TMEM132B: variants seen among roughly 807,000 people sequenced by gnomAD.
TMEM132B encodes the protein transmembrane protein 132B.
A neutral mutation model predicts 90.8 loss-of-function variants in TMEM132B; 18 were observed. That is an observed-to-expected ratio of 0.20 (90% CI 0.14 to 0.29). The LOEUF (loss-of-function observed/expected upper bound fraction) is 0.29, where lower values mean the gene tolerates loss of function less well. Ranked by LOEUF, TMEM132B falls within the 10% of genes least tolerant of loss-of-function variation. The pLI is 1.00. For missense variants in TMEM132B, 1,096 were observed against 1,326.8 expected (o/e 0.83, Z 2.70); for synonymous variants, 504 against 523.3 (o/e 0.96, Z 0.50).
chr12:125,469,495 T>C (rs1173530199), intron 3 of TMEM132B, among the ~76,000 whole-genome samples: 1 of 152,096 alleles, frequency 6.6e-6, no homozygotes, highest in Non-Finnish European at 1.5e-5. Flanking sequence ...ACATGAACAT[T>C]TGTGTTGTGC....
At chr12:125,553,854 T>C (rs1884301980) in intron 4 of TMEM132B, among the ~76,000 whole-genome samples, 1 of 152,176 alleles carries the variant, frequency 6.6e-6, no homozygotes, top group Non-Finnish European at 1.5e-5. Context: ...TGCTTTGTTT[T>C]AAGTACAGGT....
chr12:125,467,762 A>C lies in TMEM132B; in HGVS notation c.1107-51677A>C, dbSNP rs183648210. 8.7e-4 allele frequency among the ~76,000 whole-genome samples: 132 copies of C among 152,280 alleles called. 1 individual carries two copies. Among genetic ancestry groups the C allele is most frequent in the African/African-American group, 3.1e-3 (127 of 41,542 alleles). On this transcript the variant is annotated intron_variant, in intron 3 of 8. Transcript: ENST00000682704. ...TATATCCAGTAAGTAATCATTCCCC[A>C]TTCTCCTTTCTCATATTCTCATAAC... is the stretch of plus-strand genomic sequence containing the variant.
chr12:125,204,303 G>T (rs1188777915), intron 1 of TMEM132B, among the ~76,000 whole-genome samples: 1 of 134,982 alleles, frequency 7.4e-6, no homozygotes, highest in Non-Finnish European at 1.7e-5. Context: ...TTCAATGAGG[G>T]CTCCGTGTGC....
At chr12:125,274,263 T>C (rs556361572) in intron 1 of TMEM132B, among the ~76,000 whole-genome samples, 1 of 152,220 alleles carries the variant, frequency 6.6e-6, no homozygotes. Context: ...ATTCTAGGAA[T>C]GTTCCAGGAT....
rs577583453 is a variant in TMEM132B, at chr12:125,477,264, C to CT, written c.1107-42174dup. Among the ~76,000 whole-genome samples, 1,380 of 151,982 alleles carry CT rather than the reference C, an allele frequency of 9.1e-3. 11 individuals are homozygous for CT. Among genetic ancestry groups the CT allele is most frequent in the Middle Eastern group, 0.027 (8 of 294 alleles). On this transcript the variant is annotated intron_variant, in intron 3 of 8. Transcript: ENST00000682704. ...ATATTTTACTTTCACTTAAAGGTGT[C>CT]TGAATGGATTATGAAAAGATTCAAA...
intron 5 of TMEM132B, among the ~76,000 whole-genome samples, chr12:125,618,706 A>T (rs1886048543): frequency 6.6e-6 from 1 of 152,022 alleles, no homozygotes; most frequent in African/African-American, 2.4e-5. Context: ...TTCTCCAATT[A>T]TGATTGTTTT....
intron 5 of TMEM132B, among the ~76,000 whole-genome samples, chr12:125,619,644 C>A (rs1886073851): frequency 6.6e-6 from 1 of 152,020 alleles, no homozygotes; most frequent in Non-Finnish European, 1.5e-5. Flanking sequence ...GGATTACAGG[C>A]GTGAGCCACC....
intron 4 of TMEM132B, among the ~76,000 whole-genome samples, chr12:125,533,943 C>T (rs2136704164): frequency 6.6e-6 from 1 of 152,296 alleles, no homozygotes; most frequent in Admixed American, 6.5e-5. Flanking sequence ...AGAATCTCAG[C>T]ACCCCCGATA....
intron 1 of TMEM132B, among the ~76,000 whole-genome samples, chr12:125,247,172 C>A (rs1172712270): frequency 6.6e-6 from 1 of 152,112 alleles, no homozygotes; most frequent in African/African-American, 2.4e-5. Context: ...TCTTTGTGTC[C>A]ATAATCACCC....
chr12:125,502,694 G>A (rs1882732128), intron 3 of TMEM132B, among the ~76,000 whole-genome samples: 1 of 152,200 alleles, frequency 6.6e-6, no homozygotes, highest in African/African-American at 2.4e-5. Flanking sequence ...CGTGTTAACT[G>A]TTTCTTTCTA....
At chr12:125,493,777 T>C (rs1882418372) in intron 3 of TMEM132B, among the ~76,000 whole-genome samples, 1 of 151,222 alleles carries the variant, frequency 6.6e-6, no homozygotes, top group African/African-American at 2.4e-5. Flanking sequence ...GTACCCTACC[T>C]CCCCCTCCTC....
At position 125,278,912 on chromosome 12, in the gene TMEM132B, C is replaced by T. The variant is rs373750347; in HGVS notation, c.68-70540C>T. Among the ~76,000 whole-genome samples the T allele has an allele frequency of 1.6e-4, 24 of 152,290 alleles. No homozygotes were observed. In the South Asian group the frequency reaches 5.0e-3, roughly 32 times the overall value. Reference sequence around the variant, plus strand: ...CTGAAGACCCTCTAAGAGGCAATAACTCTGCCCAGGTTGGATGTAACCCAG... The same window carrying T: ...CTGAAGACCCTCTAAGAGGCAATAATTCTGCCCAGGTTGGATGTAACCCAG... On this transcript the variant is annotated intron_variant, in intron 1 of 8. Transcript: ENST00000682704.
intron 4 of TMEM132B, among the ~76,000 whole-genome samples, chr12:125,547,586 G>C (rs988036592): frequency 1.6e-4 from 25 of 152,218 alleles, no homozygotes; most frequent in African/African-American, 4.8e-4. Context: ...TTGTTGTTCT[G>C]GTAGGTAGTT....
At chr12:125,257,268 T>C (rs1430442658) in intron 1 of TMEM132B, among the ~76,000 whole-genome samples, 2 of 152,002 alleles carry the variant, frequency 1.3e-5, no homozygotes, top group East Asian at 3.9e-4. Flanking sequence ...ATCATGCCAC[T>C]GCACTTCAGG....
intron 1 of TMEM132B, among the ~76,000 whole-genome samples, chr12:125,323,293 G>A (rs150598802): frequency 9.9e-5 from 15 of 152,146 alleles, no homozygotes; most frequent in Admixed American, 2.0e-4. Flanking sequence ...AATATTAGCC[G>A]GGCGTGGTGG....
chr12:125,381,205 G>T (rs1199827005), intron 2 of TMEM132B, among the ~76,000 whole-genome samples: 2 of 152,256 alleles, frequency 1.3e-5, no homozygotes, highest in South Asian at 4.1e-4. Context: ...CAACCTGCTG[G>T]TGGTCCAAGG....
intron 1 of TMEM132B, among the ~76,000 whole-genome samples, chr12:125,252,569 G>A (rs145920945): frequency 4.7e-4 from 71 of 152,306 alleles, no homozygotes; most frequent in African/African-American, 1.5e-3. Flanking sequence ...CCAACTCCAC[G>A]GGTGGGAAAT....
rs180763719 is a variant in TMEM132B, at chr12:125,613,894, A to G, written c.1437+29900A>G. 2.0e-5 allele frequency among the ~76,000 whole-genome samples: 3 copies of G among 152,166 alleles called. No individual in the cohort carries two copies. The East Asian group carries it at 5.8e-4, about 29-fold the overall frequency. On this transcript the variant is annotated intron_variant, in intron 5 of 8. Coordinates refer to ENST00000682704, the MANE Select transcript of TMEM132B (RefSeq NM_001366854.1). ...TCATTTTATTTGATTCTGTGAATCA[A>G]AGTTTCCATTTGATGTCATTTTCTT...
Position 125,205,167 on chromosome 12 carries a change from A to G in TMEM132B, c.67+18301A>G, listed in dbSNP as rs567442267. Among the ~76,000 whole-genome samples the G allele has an allele frequency of 6.1e-5, 9 of 147,838 alleles. No homozygotes were observed. In the South Asian group the frequency reaches 1.3e-3, roughly 22 times the overall value. The stretch of plus-strand genomic sequence containing the variant: ...CATGAATCCTTTCAGTGAGGGCTCC[A>G]TTAACCAGGCACTGTGCTTAGCCCT... On this transcript the variant is annotated intron_variant, in intron 1 of 8. Transcript: ENST00000682704.
Sources: allele counts gnomAD v4.1 joint callset (sites outside exome capture counted in the v4.1 genomes callset), GRCh38; gene constraint gnomAD v4.1.1; transcripts MANE v1.5; gene names NCBI Gene and HGNC (gene_info 2026-07-23, HGNC 2026-07-21).